Variants in WSCD2 observed in about 807,000 individuals in gnomAD.
The protein encoded by WSCD2 is WSC domain sialate O sulfotransferase 2.
A neutral mutation model predicts 55.7 loss-of-function variants in WSCD2; 28 were observed. The ratio of observed to expected loss-of-function variants is 0.50; its 90% CI spans 0.37 to 0.69. The LOEUF (loss-of-function observed/expected upper bound fraction) is 0.69. Ranked by LOEUF, WSCD2 falls within the 30% of genes least tolerant of loss-of-function variation. WSCD2 has a pLI of 0.00. For synonymous variants in WSCD2, 301 were observed against 301.9 expected (o/e 1.00, Z 0.03); for missense variants, 616 against 762.1 (o/e 0.81, Z 2.26).
intron 7 of WSCD2, among the ~76,000 whole-genome samples, chr12:108,234,443 G>T (rs1889090182): frequency 6.6e-6 from 1 of 152,190 alleles, no homozygotes; most frequent in African/African-American, 2.4e-5. Context: ...GTCAGGCAGG[G>T]GAAGCTGCTT....
chr12:108,245,877 C>T (rs1299376243), intron 8 of WSCD2, among the ~76,000 whole-genome samples: 1 of 152,230 alleles, frequency 6.6e-6, no homozygotes, highest in Non-Finnish European at 1.5e-5. Flanking sequence ...TTGTCAGCAG[C>T]ATAAATATCT....
At chr12:108,151,417 A>G (rs1051449963) in intron 1 of WSCD2, among the ~76,000 whole-genome samples, 18 of 152,220 alleles carry the variant, frequency 1.2e-4, no homozygotes, top group Non-Finnish European at 7.3e-5. Context: ...TGGGCCAATC[A>G]TAATACATTC....
At chr12:108,145,470 A>G (rs1166508972) in intron 1 of WSCD2, among the ~76,000 whole-genome samples, 1 of 152,222 alleles carries the variant, frequency 6.6e-6, no homozygotes, top group Non-Finnish European at 1.5e-5. Flanking sequence ...AGCCTGCCAC[A>G]TATGTACAAC....
At chr12:108,229,748 T>C (rs1888528190) in intron 6 of WSCD2, among the ~76,000 whole-genome samples, 1 of 152,138 alleles carries the variant, frequency 6.6e-6, no homozygotes, top group South Asian at 2.1e-4. Context: ...CCACAACTTT[T>C]ACCTTCGGGT....
intron 4 of WSCD2, among the ~76,000 whole-genome samples, chr12:108,214,101 G>A (rs1186423096): frequency 6.6e-6 from 1 of 152,186 alleles, no homozygotes; most frequent in Non-Finnish European, 1.5e-5. Flanking sequence ...TATTACATCA[G>A]GCAAGAGAAA....
intron 1 of WSCD2, among the ~76,000 whole-genome samples, chr12:108,133,501 G>A (rs1875839241): frequency 2.6e-5 from 4 of 152,108 alleles, no homozygotes; most frequent in South Asian, 4.2e-4. Context: ...TGTCTCTAGG[G>A]GTATAAACAA....
chr12:108,167,797 C>G (rs1879813702), intron 1 of WSCD2, among the ~76,000 whole-genome samples: 1 of 152,170 alleles, frequency 6.6e-6, no homozygotes, highest in African/African-American at 2.4e-5. Context: ...GTTTCTGAAC[C>G]AATCGCTGTG....
At chr12:108,246,908 C>A (rs1890133289) in intron 8 of WSCD2, among the ~76,000 whole-genome samples, 1 of 152,020 alleles carries the variant, frequency 6.6e-6, no homozygotes, top group Non-Finnish European at 1.5e-5. Context: ...CCGCCTGAGC[C>A]CAGGGAGTCT....
chr12:108,137,412 T>C lies in WSCD2; in HGVS notation c.-552+7486T>C, dbSNP rs567541129. On this transcript the variant is annotated intron_variant, in intron 1 of 8. Coordinates refer to ENST00000547525, the MANE Select transcript of WSCD2 (RefSeq NM_014653.4). ...ACTCTTTCTCTGCACACCATTGTGA[T>C]GAGCTCAGTGACCTGATTTCCCAGG... Among the ~76,000 whole-genome samples the C allele has an allele frequency of 2.6e-5, 4 of 152,330 alleles. No homozygotes were observed. In the East Asian group the frequency reaches 5.8e-4, roughly 22 times the overall value.
chr12:108,148,684 A>T (rs1174071082), intron 1 of WSCD2, among the ~76,000 whole-genome samples: 1 of 152,070 alleles, frequency 6.6e-6, no homozygotes, highest in Non-Finnish European at 1.5e-5. Context: ...CCAGGCTGGA[A>T]CCTAGGTCTT....
At chr12:108,228,573 G>T (rs1888390938) in intron 6 of WSCD2, among the ~76,000 whole-genome samples, 1 of 152,258 alleles carries the variant, frequency 6.6e-6, no homozygotes, top group African/African-American at 2.4e-5. Context: ...GCTGCCATAT[G>T]TGGTAGAGCA....
At chr12:108,149,686 C>T (rs1877767212) in intron 1 of WSCD2, 1 of 152,270 alleles carries the variant, frequency 6.6e-6, no homozygotes. Context: ...GCCACACACA[C>T]ACAATTAGGC....
chr12:108,197,780 G>A (rs1210010219), intron 2 of WSCD2, among the ~76,000 whole-genome samples: 1 of 151,772 alleles, frequency 6.6e-6, no homozygotes, highest in African/African-American at 2.4e-5. Flanking sequence ...TAATGCTTAG[G>A]ACAAATTCCA....
rs560274375 is a variant in WSCD2, at chr12:108,215,438, G to T, written c.682+5133G>T. ...TGAGGTAAAGACTAGAAAGCACCTA[G>T]CACAGTGCCTGTTACAGAGTAGCTT... On this transcript the variant is annotated intron_variant, in intron 4 of 8. Transcript: ENST00000547525. Among the ~76,000 whole-genome samples, 4 of 152,256 alleles carry T rather than the reference G, an allele frequency of 2.6e-5. No individual in the cohort carries two copies. The East Asian group carries it at 7.7e-4, about 29-fold the overall frequency.
chr12:108,186,560 T>C (rs1266511449), intron 1 of WSCD2, among the ~76,000 whole-genome samples: 2 of 152,216 alleles, frequency 1.3e-5, no homozygotes, highest in South Asian at 2.1e-4. Context: ...ACTGTCTCCA[T>C]AGTTTTGGCT....
intron 1 of WSCD2, among the ~76,000 whole-genome samples, chr12:108,156,173 G>A (rs1278922557): frequency 2.6e-5 from 4 of 152,230 alleles, no homozygotes. Context: ...GATGAAGGCA[G>A]TAGATTTGGT....
chr12:108,157,896 G>C (rs1211766014), intron 1 of WSCD2, among the ~76,000 whole-genome samples: 2 of 152,128 alleles, frequency 1.3e-5, no homozygotes, highest in Non-Finnish European at 2.9e-5. Context: ...CTTGAAATGA[G>C]AAAGAGAGAA....
chr12:108,191,547 T>C (rs1883163178), intron 1 of WSCD2, among the ~76,000 whole-genome samples: 1 of 152,174 alleles, frequency 6.6e-6, no homozygotes, highest in Non-Finnish European at 1.5e-5. Flanking sequence ...GAGCCCTGGA[T>C]TTACAGTTCT....
chr12:108,213,126 G>A (rs748535814), intron 4 of WSCD2, among the ~76,000 whole-genome samples: 4 of 152,228 alleles, frequency 2.6e-5, no homozygotes, highest in African/African-American at 7.2e-5. Flanking sequence ...CTCTGTGGAT[G>A]AGGTATGGAG....
Sources: allele counts gnomAD v4.1 joint callset (sites outside exome capture counted in the v4.1 genomes callset), GRCh38; gene constraint gnomAD v4.1.1; transcripts MANE v1.5; gene names NCBI Gene and HGNC (gene_info 2026-07-23, HGNC 2026-07-21).